HS6ST3: variants seen among roughly 807,000 people sequenced by gnomAD.
The protein encoded by HS6ST3 is heparan sulfate 6-O-sulfotransferase 3, also known as heparan-sulfate 6-O-sulfotransferase 3.
A neutral mutation model predicts 36.7 loss-of-function variants in HS6ST3; 12 were observed. That is an observed-to-expected ratio of 0.33 (90% CI 0.21 to 0.53). HS6ST3 has a LOEUF of 0.53. HS6ST3 is among the 20% of genes least tolerant of loss of function. The probability of loss-of-function intolerance (pLI) is 0.95; values close to 1 mark genes in which losing one functional copy is unlikely to be tolerated. For missense variants in HS6ST3, 584 were observed against 640.9 expected, an observed-to-expected ratio of 0.91 and a Z score of 0.96; for synonymous variants, 240 against 257.5, an observed-to-expected ratio of 0.93 and a Z score of 0.65.
intron 1 of HS6ST3, among the ~76,000 whole-genome samples, chr13:96,233,904 A>G (rs2054519756): frequency 6.6e-6 from 1 of 152,184 alleles, no homozygotes; most frequent in African/African-American, 2.4e-5. Context: ...TCAAAATTAC[A>G]GCAGGAAATA....
chr13:96,792,516 A>G (rs1400313179), intron 1 of HS6ST3, among the ~76,000 whole-genome samples: 1 of 151,986 alleles, frequency 6.6e-6, no homozygotes, highest in African/African-American at 2.4e-5. Context: ...AGAGCCTGTA[A>G]AATAGTCTTT....
intron 1 of HS6ST3, among the ~76,000 whole-genome samples, chr13:96,374,477 C>T (rs2055305096): frequency 6.6e-6 from 1 of 152,172 alleles, no homozygotes; most frequent in Non-Finnish European, 1.5e-5. Context: ...TTCCTCAAAT[C>T]TTTGTCCCTG....
intron 1 of HS6ST3, among the ~76,000 whole-genome samples, chr13:96,499,293 TA>T (rs1373371204): frequency 1.3e-5 from 2 of 152,180 alleles, no homozygotes; most frequent in African/African-American, 4.8e-5. Context: ...CCCAAAGTGC[TA>T]GGATTACAGG....
chr13:96,779,263 A>G (rs1164656896), intron 1 of HS6ST3, among the ~76,000 whole-genome samples: 1 of 151,914 alleles, frequency 6.6e-6, no homozygotes, highest in African/African-American at 2.4e-5. Flanking sequence ...GCACATGTAT[A>G]CCTATGTAAC....
intron 1 of HS6ST3, among the ~76,000 whole-genome samples, chr13:96,274,817 A>T (rs1386466660): frequency 6.7e-6 from 1 of 148,916 alleles, no homozygotes; most frequent in East Asian, 2.0e-4. Context: ...TTCCATTATC[A>T]GTGATTAGCT....
At chr13:96,588,951 T>TA (rs1566404946) in intron 1 of HS6ST3, among the ~76,000 whole-genome samples, 1 of 150,638 alleles carries the variant, frequency 6.6e-6, no homozygotes, top group Non-Finnish European at 1.5e-5. Flanking sequence ...CTCCAGAGGC[T>TA]GAGGCAGGAG....
chr13:96,369,484 G>A (rs1594764811), intron 1 of HS6ST3, among the ~76,000 whole-genome samples: 1 of 152,230 alleles, frequency 6.6e-6, no homozygotes, highest in African/African-American at 2.4e-5. Flanking sequence ...ATATCACCAT[G>A]TTTTGAGCTG....
intron 1 of HS6ST3, among the ~76,000 whole-genome samples, chr13:96,194,313 A>G (rs1175542963): frequency 8.2e-6 from 1 of 122,596 alleles, no homozygotes; most frequent in African/African-American, 3.2e-5. Context: ...GCATTTGAAG[A>G]TATTTAGCTC....
intron 1 of HS6ST3, among the ~76,000 whole-genome samples, chr13:96,168,692 CAA>C (rs60119696): frequency 7.0e-6 from 1 of 142,226 alleles, no homozygotes. Flanking sequence ...AGAGTGAGAC[CAA>C]AAAAAAAAAA....
At chr13:96,742,244 G>T (rs942593682) in intron 1 of HS6ST3, among the ~76,000 whole-genome samples, 1 of 151,810 alleles carries the variant, frequency 6.6e-6, no homozygotes, top group Non-Finnish European at 1.5e-5. Flanking sequence ...ACAAAAATAC[G>T]GCAGAAAAGG....
intron 1 of HS6ST3, among the ~76,000 whole-genome samples, chr13:96,825,456 G>A (rs773787876): frequency 6.6e-6 from 1 of 152,092 alleles, no homozygotes. Context: ...ACAGAAAGCC[G>A]GGGAGAGCAG....
intron 1 of HS6ST3, among the ~76,000 whole-genome samples, chr13:96,170,409 A>T (rs914670355): frequency 6.6e-6 from 1 of 152,222 alleles, no homozygotes; most frequent in East Asian, 1.9e-4. Context: ...AGAGAATAGC[A>T]ACTTGATGTC....
At chr13:96,163,834 C>T (rs1282165675) in intron 1 of HS6ST3, among the ~76,000 whole-genome samples, 1 of 152,126 alleles carries the variant, frequency 6.6e-6, no homozygotes, top group Non-Finnish European at 1.5e-5. Flanking sequence ...CCAGTGTTGA[C>T]AGTTCTTTAT....
intron 1 of HS6ST3, among the ~76,000 whole-genome samples, chr13:96,457,378 C>A (rs1362248585): frequency 3.3e-5 from 5 of 152,038 alleles, no homozygotes; most frequent in African/African-American, 9.7e-5. Context: ...CAACTTCTAG[C>A]TTCTCAGGTG....
chr13:96,254,430 AAAAAAAAAAAAAAAAAAAATATATATAT>A (rs2054622642), intron 1 of HS6ST3, among the ~76,000 whole-genome samples: 31 of 44,018 alleles, frequency 7.0e-4, no homozygotes, highest in African/African-American at 2.3e-3. Context: ...AAAAAAAAAA[AAAAAAAAAAAAAAAAAAAATATATATAT>A]ATATATATAT....
At chr13:96,697,656 A>T (rs1034595306) in intron 1 of HS6ST3, among the ~76,000 whole-genome samples, 5 of 152,224 alleles carry the variant, frequency 3.3e-5, no homozygotes, top group Admixed American at 2.0e-4. Context: ...TCACCTTTGA[A>T]GGAGGTCATA....
At chr13:96,642,361 A>G (rs1242336822) in intron 1 of HS6ST3, among the ~76,000 whole-genome samples, 2 of 151,842 alleles carry the variant, frequency 1.3e-5, no homozygotes, top group East Asian at 1.9e-4. Flanking sequence ...GTGGCTAGGT[A>G]TGCATCATTT....
At chr13:96,636,248 A>G (rs2056549434) in intron 1 of HS6ST3, among the ~76,000 whole-genome samples, 1 of 152,200 alleles carries the variant, frequency 6.6e-6, no homozygotes, top group Non-Finnish European at 1.5e-5. Context: ...ATCGTACAGC[A>G]AGCACTGCCA....
chr13:96,585,348 A>G (rs2056357052), intron 1 of HS6ST3, among the ~76,000 whole-genome samples: 1 of 152,148 alleles, frequency 6.6e-6, no homozygotes, highest in East Asian at 1.9e-4. Context: ...ATTTTTTTAA[A>G]TTTTTAATTG....
Sources: allele counts gnomAD v4.1 joint callset (sites outside exome capture counted in the v4.1 genomes callset), GRCh38; gene constraint gnomAD v4.1.1; transcripts MANE v1.5; gene names NCBI Gene and HGNC (gene_info 2026-07-23, HGNC 2026-07-21).